The following CD276 variants were observed in gnomAD, a reference collection of about 807,000 sequenced individuals.
CD276 encodes CD276 molecule.
CD276 carries 34 observed loss-of-function variants against 50.0 expected under a neutral mutation model. That is an observed-to-expected ratio of 0.68 (90% CI 0.52 to 0.91). CD276 has a LOEUF of 0.91. Among genes scored for constraint, CD276 ranks in the 40% least tolerant of loss-of-function variants. The probability of loss-of-function intolerance (pLI) is 0.00; values close to 1 mark genes in which losing one functional copy is unlikely to be tolerated. For missense variants in CD276, 634 were observed against 717.5 expected (o/e 0.88, Z 1.33); for synonymous variants, 275 against 313.0 (o/e 0.88, Z 1.28).
rs908751750 is a variant in CD276, at chr15:73,705,170, C to T, written c.1369+698C>T. 4.6e-5 allele frequency among the ~76,000 whole-genome samples: 7 copies of T among 152,170 alleles called. No individual in the cohort carries two copies. The East Asian group carries it at 7.7e-4, about 17-fold the overall frequency. ...GCCTCTGGTCAGTCACTTCCTGGGC[C>T]GACGTGCTCAGTCTGGCTCTTCAGT... On this transcript the variant is annotated intron_variant, in intron 6 of 9. Transcript: ENST00000318443.
intron 6 of CD276, among the ~76,000 whole-genome samples, chr15:73,707,294 G>T (rs1252254506): frequency 6.6e-6 from 1 of 152,234 alleles, no homozygotes; most frequent in African/African-American, 2.4e-5. Context: ...TTCCTCTCAA[G>T]ACTTCTCCCT....
At chr15:73,696,296 C>T (rs1900172401) in intron 1 of CD276, among the ~76,000 whole-genome samples, 1 of 152,054 alleles carries the variant, frequency 6.6e-6, no homozygotes, top group Non-Finnish European at 1.5e-5. Flanking sequence ...GGTACGCAGG[C>T]AGCATGAGGC....
rs376909596 is a variant in CD276, at chr15:73,702,523, C to T, written c.348C>T (p.Asp116=). 43 of 1,612,662 alleles carry T rather than the reference C, an allele frequency of 2.7e-5. No individual in the cohort carries two copies. The highest frequency in any genetic ancestry group is 3.3e-4 in the Middle Eastern group (2 of 6,072). ...GGCTGCAGCGCGTGCGTGTGGCGGA[C>T]GAGGGCAGCTTCACCTGCTTCGTGA... ...SLRLQRVRVA[D]EGSFTCFVSI... is the part of the protein sequence containing the mutation. Residue 116 remains aspartate (D), a synonymous_variant, in exon 3 of 10, where the codon GAC becomes GAT. Transcript: ENST00000318443.
In CD276 at chr15:73,713,899, C is replaced by T. The variant is rs186442060; in HGVS notation, c.*943C>T. 12 of 385,310 alleles carry T rather than the reference C, an allele frequency of 3.1e-5. No homozygotes were observed. In the Admixed American group the frequency reaches 4.4e-4, roughly 14 times the overall value. The allele number at this position is 385,310 out of a possible 1,614,324, so 23.9% of individuals were successfully genotyped here. A position where few individuals can be genotyped will look rare whatever the true frequency, so the allele number is the denominator to read the frequency against. On this transcript the variant is annotated 3_prime_UTR_variant, in exon 10 of 10. Transcript: ENST00000318443. ...ACTGTGTTAGGTGCTGGGGGCCCTG[C>T]GTGGGAAGATAAAGTTCCTCCCTCA...
At chr15:73,701,741 GAAAA>G (rs1375821666) in intron 2 of CD276, among the ~76,000 whole-genome samples, 1 of 151,508 alleles carries the variant, frequency 6.6e-6, no homozygotes, top group African/African-American at 2.4e-5. Flanking sequence ...GAAAAAAAAA[GAAAA>G]AAAGAAAAAG....
Position 73,704,959 on chromosome 15 carries a change from C to G in CD276, c.1369+487C>G, listed in dbSNP as rs894396115. Among the ~76,000 whole-genome samples the G allele has an allele frequency of 2.6e-5, 4 of 152,194 alleles. No individual in the cohort carries two copies. Among genetic ancestry groups the G allele is most frequent in the African/African-American group, 9.7e-5 (4 of 41,444 alleles). ...GCAGACTTGCGCTCCACCCAGGCAGCCGTTGGATGGGCAGGGGCTGTCTCT... is the reference window on the plus strand; with the variant it reads ...GCAGACTTGCGCTCCACCCAGGCAGGCGTTGGATGGGCAGGGGCTGTCTCT... On this transcript the variant is annotated intron_variant, in intron 6 of 9. Coordinates refer to ENST00000318443, the MANE Select transcript of CD276 (RefSeq NM_001024736.2). This position sits in a 1 kb window ranked among gnomAD's most constrained non-coding sequence, Gnocchi z 4.1.
chr15:73,708,899 G>C (rs1900765134), intron 7 of CD276, among the ~76,000 whole-genome samples: 1 of 152,232 alleles, frequency 6.6e-6, no homozygotes. Flanking sequence ...CTTGGAGTGA[G>C]TTTGAAGCAG....
chr15:73,693,438 G>T (rs1900058378), intron 1 of CD276, among the ~76,000 whole-genome samples: 1 of 152,176 alleles, frequency 6.6e-6, no homozygotes, highest in South Asian at 2.1e-4. Flanking sequence ...AAAAAATGTT[G>T]TGGCAGTTGG....
In CD276 at chr15:73,699,634, A is replaced by C; in HGVS notation, c.-6A>C. ...GGAGCCCAGCTGTCAGCCGCCTCAC[A>C]GGAAGATGCTGCGTCGGCGGGGCAG... is the stretch of plus-strand genomic sequence containing the variant. On this transcript the variant is annotated 5_prime_UTR_variant, in exon 2 of 10. Transcript: ENST00000318443. The C allele has an allele frequency of 6.2e-7, 1 of 1,613,740 alleles. No individual in the cohort carries two copies. The highest frequency in any genetic ancestry group is 8.5e-7 in the Non-Finnish European group (1 of 1,179,918).
Position 73,702,995 on chromosome 15 carries a change from A to T in CD276, c.642A>T (p.Ala214=). The T allele has an allele frequency of 6.2e-7, 1 of 1,614,130 alleles. No homozygotes were observed. Reference sequence around the variant, plus strand: ...GCATCCTGCGGGTGGTGCTGGGTGCAAATGGCACCTACAGCTGCCTGGTGC... The same window carrying T: ...GCATCCTGCGGGTGGTGCTGGGTGCTAATGGCACCTACAGCTGCCTGGTGC... ...VHSILRVVLG[A]NGTYSCLVRN... is the part of the protein sequence containing the mutation. Residue 214 remains alanine (A), a synonymous_variant, in exon 4 of 10, where the codon GCA becomes GCT. Coordinates refer to ENST00000318443, the MANE Select transcript of CD276 (RefSeq NM_001024736.2).
chr15:73,701,170 C>T (rs1900374261), intron 2 of CD276, among the ~76,000 whole-genome samples: 1 of 151,714 alleles, frequency 6.6e-6, no homozygotes, highest in African/African-American at 2.4e-5. Context: ...CGGGCCTTTT[C>T]CCCTCACTTC....
chr15:73,686,410 A>T (rs1030073936), intron 1 of CD276: 63 of 440,560 alleles, frequency 1.4e-4, no homozygotes, highest in African/African-American at 1.3e-3. Context: ...GCACCACCCG[A>T]TGGAGGGTTG....
intron 2 of CD276, among the ~76,000 whole-genome samples, chr15:73,700,823 C>A (rs902269672): frequency 7.1e-6 from 1 of 140,348 alleles, no homozygotes. Context: ...TGCTAGTGCT[C>A]GAAGCACACA....
intron 6 of CD276, among the ~76,000 whole-genome samples, chr15:73,706,530 GCCATGATCAGAAT>G (rs1900659854): frequency 6.6e-6 from 1 of 152,224 alleles, no homozygotes; most frequent in Non-Finnish European, 1.5e-5. Context: ...GAGGAGATGA[GCCATGATCAGAAT>G]CCAACTTTGG....
At chr15:73,700,438 T>C (rs1453575445) in intron 2 of CD276, among the ~76,000 whole-genome samples, 1 of 152,242 alleles carries the variant, frequency 6.6e-6, no homozygotes, top group African/African-American at 2.4e-5. Context: ...TGGCGCCATC[T>C]TGTGGCCATA....
rs1309296448 is a variant in CD276, at chr15:73,687,315, A to T, written c.-55+2855A>T. Among the ~76,000 whole-genome samples, 1 of 152,122 alleles carries T rather than the reference A, an allele frequency of 6.6e-6. No homozygotes were observed. The highest frequency in any genetic ancestry group is 2.4e-5 in the African/African-American group (1 of 41,398). ...GGTAGGGTATCATTAACACCATTGT[A>T]CAGTTGGGGAAACTGAGGCCCAGAA... On this transcript the variant is annotated intron_variant, in intron 1 of 9. Transcript: ENST00000318443. The surrounding 1 kb of genome is among the most constrained non-coding windows in gnomAD (Gnocchi z 4.0).
At chr15:73,699,961 G>A (rs925525656) in intron 2 of CD276, among the ~76,000 whole-genome samples, 7 of 152,212 alleles carry the variant, frequency 4.6e-5, no homozygotes, top group African/African-American at 1.4e-4. Flanking sequence ...CACTGTGTGC[G>A]CCCCCTCCCA....
intron 1 of CD276, among the ~76,000 whole-genome samples, chr15:73,685,870 G>C (rs1197498626): frequency 1.3e-5 from 2 of 152,172 alleles, no homozygotes; most frequent in Non-Finnish European, 1.5e-5. Context: ...GTGCAGGGCA[G>C]GATGGAGGGC....
At chr15:73,706,875 C>A (rs1567022215) in intron 6 of CD276, among the ~76,000 whole-genome samples, 1 of 152,210 alleles carries the variant, frequency 6.6e-6, no homozygotes, top group African/African-American at 2.4e-5. Context: ...TAAGGGGGAA[C>A]ATAGAGACCC....
Sources: gnomAD v4.1 joint callset for allele counts (sites outside exome capture counted in the v4.1 genomes callset) on GRCh38, gnomAD v4.1.1 for gene constraint, Gnocchi (gnomAD v3.1) non-coding constraint, MANE v1.5 for transcripts, NCBI Gene and HGNC (gene_info 2026-07-23, HGNC 2026-07-21) for gene names.